The following VPS13D variants were observed in gnomAD, a reference collection of about 807,000 sequenced individuals.
The protein encoded by VPS13D is intermembrane lipid transfer protein VPS13D.
Under a neutral mutation model 461.9 loss-of-function variants are expected in VPS13D, and 187 were observed. That is an observed-to-expected ratio of 0.40 (90% confidence interval 0.36 to 0.46). The LOEUF is 0.46. VPS13D is among the 20% of genes least tolerant of loss of function. VPS13D has a pLI of 0.60. For missense variants in VPS13D, 4,711 were observed against 5,364.9 expected, an observed-to-expected ratio of 0.88 and a Z score of 3.81; for synonymous variants, 1,951 against 1,986.3, an observed-to-expected ratio of 0.98 and a Z score of 0.47.
At chr1:12,438,843 C>G (rs904077611) in intron 65 of VPS13D, among the ~76,000 whole-genome samples, 7 of 152,224 alleles carry the variant, frequency 4.6e-5, no homozygotes, top group African/African-American at 2.4e-5. Flanking sequence ...CTAGCCACTT[C>G]ATAGCTTTTT....
Position 12,283,714 on chromosome 1 carries a change from T to TGAG in VPS13D, c.5614_5615insGGA (p.Val1871_Asn1872insArg). ...ATGGAGTCTGGACTTCAGGATCCAG[T>TGAG]GAACACCAAACTGGATCTCAAGGTA... On this transcript the variant is annotated inframe_insertion, in exon 21 of 70. Transcript: ENST00000620676. The TGAG allele has an allele frequency of 1.9e-6, 3 of 1,613,414 alleles. No homozygotes were observed. The highest frequency in any genetic ancestry group is 2.5e-6 in the Non-Finnish European group (3 of 1,179,470).
chr1:12,238,481 C>T (rs907690102), intron 2 of VPS13D, among the ~76,000 whole-genome samples: 12 of 151,684 alleles, frequency 7.9e-5, no homozygotes, highest in African/African-American at 2.7e-4. Context: ...AATTTTAAAG[C>T]AAATTGCTTG....
At chr1:12,437,479 T>A (rs1645076667) in intron 65 of VPS13D, among the ~76,000 whole-genome samples, 1 of 152,146 alleles carries the variant, frequency 6.6e-6, no homozygotes, top group Admixed American at 6.5e-5. Context: ...CTGACCCCAT[T>A]TGACTGGCCA....
chr1:12,446,166 C>T (rs959084895), intron 65 of VPS13D, among the ~76,000 whole-genome samples: 1 of 152,126 alleles, frequency 6.6e-6, no homozygotes, highest in African/African-American at 2.4e-5. Flanking sequence ...CCTGTAATCC[C>T]AGAACTTTGG....
At chr1:12,500,221 A>G (rs1646018198) in intron 68 of VPS13D, 1 of 984,218 alleles carries the variant, frequency 1.0e-6, no homozygotes, top group Non-Finnish European at 1.2e-6. Flanking sequence ...TTACCAACGT[A>G]TGATTTCTGG....
At chr1:12,366,557 C>G (rs1644037477) in intron 52 of VPS13D, among the ~76,000 whole-genome samples, 1 of 152,164 alleles carries the variant, frequency 6.6e-6, no homozygotes, top group Non-Finnish European at 1.5e-5. Flanking sequence ...GAGGCAGCCC[C>G]TATCTGTTGT....
chr1:12,482,774 T>TACTA (rs1349992371), intron 67 of VPS13D, among the ~76,000 whole-genome samples: 2 of 149,786 alleles, frequency 1.3e-5, no homozygotes, highest in Non-Finnish European at 3.0e-5. Flanking sequence ...TATACATATA[T>TACTA]GTATACATAG....
intron 67 of VPS13D, among the ~76,000 whole-genome samples, chr1:12,469,201 G>A (rs1043366410): frequency 6.6e-6 from 1 of 152,108 alleles, no homozygotes; most frequent in South Asian, 2.1e-4. Context: ...AGAACAGAGG[G>A]TCTCAAAATA....
rs760226379 is a variant in VPS13D at position 12,327,854 on chromosome 1, C to T, written c.8197C>T (p.Arg2733Cys). 10 of 1,613,012 alleles carry T rather than the reference C, an allele frequency of 6.2e-6. No individual in the cohort carries two copies. Among genetic ancestry groups the T allele is most frequent in the South Asian group, 2.2e-5 (2 of 91,032 alleles). The change falls in exon 36 of 70, where the codon CGT becomes TGT. Residue 2733 changes from arginine to cysteine, a missense_variant and splice_region_variant. Transcript: ENST00000620676. ...DVPLAELTFS[R>C]LNFLQRVRTS... ...TCCTCTCGCTGAACTCACCTTTTCC[C>T]GTGAGTGTTGTACTGGTTTTCAGAT...
At position 12,326,003 on chromosome 1, in the gene VPS13D, T is replaced by A. The variant is rs558258570; in HGVS notation, c.7991-1645T>A. ...TTTTTTTTTTTTAATTTTTCTTTTTTAAAATTTTTTTTGGGGCTCTTGAAT... is the reference window on the plus strand; with the variant it reads ...TTTTTTTTTTTTAATTTTTCTTTTTAAAAATTTTTTTTGGGGCTCTTGAAT... On this transcript the variant is annotated intron_variant, in intron 35 of 69. Transcript: ENST00000620676. Among the ~76,000 whole-genome samples, 381 of 151,482 alleles carry A rather than the reference T, an allele frequency of 2.5e-3. 5 individuals are homozygous for A. The South Asian group carries it at 0.028, about 11-fold the overall frequency.
At chr1:12,446,612 A>G (rs1645195595) in intron 65 of VPS13D, among the ~76,000 whole-genome samples, 2 of 152,140 alleles carry the variant, frequency 1.3e-5, no homozygotes, top group Non-Finnish European at 2.9e-5. Flanking sequence ...ATATATGTCC[A>G]TTACTGGTAC....
intron 67 of VPS13D, among the ~76,000 whole-genome samples, chr1:12,475,303 C>T (rs1442145737): frequency 6.6e-6 from 1 of 152,138 alleles, no homozygotes; most frequent in Non-Finnish European, 1.5e-5. Flanking sequence ...TCATTCTCCC[C>T]CATACAAAGG....
chr1:12,383,219 A>C, intron 58 of VPS13D, 64 bp downstream of exon 58: 5 of 1,465,696 alleles, frequency 3.4e-6, no homozygotes, highest in Non-Finnish European at 4.6e-6. Context: ...ATGATTACTC[A>C]TTTAACAAAT....
intron 35 of VPS13D, among the ~76,000 whole-genome samples, chr1:12,326,034 A>G (rs912017009): frequency 2.7e-4 from 40 of 150,454 alleles, no homozygotes; most frequent in Non-Finnish European, 4.7e-4. Flanking sequence ...TGAATCGACA[A>G]ATCTTTTTCT....
chr1:12,487,407 G>A (rs925287523), intron 67 of VPS13D, among the ~76,000 whole-genome samples: 3 of 151,972 alleles, frequency 2.0e-5, no homozygotes, highest in South Asian at 2.1e-4. Flanking sequence ...TCAGGAGTTC[G>A]AGACCAGCCT....
At chr1:12,425,474 G>A (rs1000681343) in intron 65 of VPS13D, among the ~76,000 whole-genome samples, 1 of 151,932 alleles carries the variant, frequency 6.6e-6, no homozygotes. Flanking sequence ...CAGGAGAATC[G>A]CTTGAACCCA....
intron 35 of VPS13D, among the ~76,000 whole-genome samples, chr1:12,325,196 A>T (rs531172348): frequency 6.6e-6 from 1 of 151,892 alleles, no homozygotes; most frequent in African/African-American, 2.4e-5. Context: ...GGGCTCAAGC[A>T]ATCCTCCTGC....
rs768503291 is a variant in VPS13D at position 12,368,522 on chromosome 1, T to A, written c.10503T>A (p.Ala3501=). ...FLRVEITLRG[A]TYRISFSDTD... is the part of the protein sequence containing the mutation. ...GAGTGGAAATTACTCTCCGAGGAGC[T>A]ACGTATAGGATCTCATTTAGTGACA... The change falls in exon 53 of 70, where the codon GCT becomes GCA. Residue 3501 remains alanine (A), a synonymous_variant. Coordinates refer to ENST00000620676, the MANE Select transcript of VPS13D (RefSeq NM_015378.4). 10 of 1,613,828 alleles carry A rather than the reference T, an allele frequency of 6.2e-6. No homozygotes were observed. The highest frequency in any genetic ancestry group is 1.3e-5 in the African/African-American group (1 of 74,934).
intron 38 of VPS13D, among the ~76,000 whole-genome samples, chr1:12,334,324 T>G (rs1643399193): frequency 6.6e-6 from 1 of 152,196 alleles, no homozygotes; most frequent in Non-Finnish European, 1.5e-5. Context: ...ACTCCTACAT[T>G]GTTTCTCACA....
Sources: allele counts gnomAD v4.1 joint callset (sites outside exome capture counted in the v4.1 genomes callset), GRCh38; gene constraint gnomAD v4.1.1; transcripts MANE v1.5; gene names NCBI Gene and HGNC (gene_info 2026-07-23, HGNC 2026-07-21).